PKHD1: variants seen among roughly 807,000 people sequenced by gnomAD.
PKHD1 encodes the protein fibrocystin.
A neutral mutation model predicts 412.0 loss-of-function variants in PKHD1; 291 were observed. That is an observed-to-expected ratio of 0.71 (90% CI 0.64 to 0.78). The LOEUF (loss-of-function observed/expected upper bound fraction) is 0.78, where lower values mean the gene tolerates loss of function less well. Among genes scored for constraint, PKHD1 ranks in the 30% least tolerant of loss-of-function variants. The pLI is 0.00. For synonymous variants in PKHD1, 1,777 were observed against 1,821.5 expected (o/e 0.98, Z 0.62); for missense variants, 4,825 against 4,950.7 (o/e 0.97, Z 0.76).
chr6:51,886,270 A>G (rs1179639274), intron 44 of PKHD1, among the ~76,000 whole-genome samples: 1 of 152,208 alleles, frequency 6.6e-6, no homozygotes, highest in East Asian at 1.9e-4. Context: ...ATCTCTGGCC[A>G]CAAAAGGTAC....
In PKHD1 at chr6:51,726,232, A is replaced by G. The variant is rs149932934; in HGVS notation, c.10156+18153T>C. 1.2e-3 allele frequency among the ~76,000 whole-genome samples: 181 copies of G among 152,350 alleles called. No homozygotes were observed. The Middle Eastern group carries it at 0.014, about 11-fold the overall frequency. On this transcript the variant is annotated intron_variant, in intron 60 of 66. Transcript: ENST00000371117. ...GGACATACAGGAGTTTCTAATGCTT[A>G]AATTCCGGTTCCATTAACTCAGGGG...
chr6:51,980,442 A>G, intron 35 of PKHD1, among the ~76,000 whole-genome samples: 1 of 152,240 alleles, frequency 6.6e-6, no homozygotes, highest in East Asian at 1.9e-4. Flanking sequence ...TAAATATTCT[A>G]CCTACAATGT....
intron 60 of PKHD1, among the ~76,000 whole-genome samples, chr6:51,712,274 A>G (rs1314389158): frequency 6.6e-6 from 1 of 152,184 alleles, no homozygotes; most frequent in East Asian, 1.9e-4. Context: ...CTTCTTGGTA[A>G]GAGCCTTATC....
chr6:51,827,538 C>G (rs1446842117), intron 52 of PKHD1, among the ~76,000 whole-genome samples: 1 of 152,048 alleles, frequency 6.6e-6, no homozygotes. Flanking sequence ...CTGAAGGATC[C>G]CCAATATACC....
intron 54 of PKHD1, among the ~76,000 whole-genome samples, chr6:51,773,991 T>G (rs1481488038): frequency 6.6e-6 from 1 of 151,868 alleles, no homozygotes; most frequent in East Asian, 1.9e-4. Flanking sequence ...TCATAAGACA[T>G]CATCATCTAA....
intron 50 of PKHD1, among the ~76,000 whole-genome samples, chr6:51,842,547 T>C (rs1475650734): frequency 6.6e-6 from 1 of 152,182 alleles, no homozygotes; most frequent in Non-Finnish European, 1.5e-5. Flanking sequence ...AGTCAGATTA[T>C]GAATAATCAA....
chr6:51,996,163 G>A (rs1209070303), intron 35 of PKHD1, among the ~76,000 whole-genome samples: 4 of 134,334 alleles, frequency 3.0e-5, no homozygotes, highest in South Asian at 2.5e-4. Context: ...CTGCCACGAC[G>A]CCTGGCTTTT....
chr6:51,870,581 G>A lies in PKHD1; in HGVS notation c.7409C>T (p.Ser2470Phe). Residue 2470 changes from serine (S) to phenylalanine (F), a missense_variant, in exon 47 of 67, where the codon TCT (serine) becomes TTT (phenylalanine). By Grantham distance (155) the Ser-to-Phe change is radical. Transcript: ENST00000371117. Reference protein sequence around the residue: ...KTPKRWELMVSNTTFVNFDLI... With the variant: ...KTPKRWELMVFNTTFVNFDLI... ...ATCAAAATTAACAAAGGTTGTGTTA[G>A]ACACCATCAGTTCCCATCTTTTAGG... 1 of 1,607,076 alleles carries A rather than the reference G, an allele frequency of 6.2e-7. No homozygotes were observed. Among genetic ancestry groups the A allele is most frequent in the Non-Finnish European group, 8.5e-7 (1 of 1,173,628 alleles).
chr6:51,808,473 T>C (rs1187310119), intron 52 of PKHD1, among the ~76,000 whole-genome samples: 1 of 151,838 alleles, frequency 6.6e-6, no homozygotes, highest in African/African-American at 2.4e-5. Context: ...TAGAGACTAG[T>C]CATAATTTTA....
At chr6:51,931,091 T>C (rs1369252849) in intron 37 of PKHD1, among the ~76,000 whole-genome samples, 1 of 152,208 alleles carries the variant, frequency 6.6e-6, no homozygotes, top group African/African-American at 2.4e-5. Flanking sequence ...TCATAGCTGA[T>C]CTGTGGCAGA....
At chr6:51,890,320 G>C (rs1016189319) in intron 43 of PKHD1, among the ~76,000 whole-genome samples, 1 of 151,980 alleles carries the variant, frequency 6.6e-6, no homozygotes, top group African/African-American at 2.4e-5. Context: ...CCAATAATAG[G>C]GTGCAAGTGA....
At chr6:51,641,890 T>C (rs761337671) in intron 63 of PKHD1, among the ~76,000 whole-genome samples, 8 of 152,026 alleles carry the variant, frequency 5.3e-5, no homozygotes, top group Non-Finnish European at 1.2e-4. Context: ...CACTAGGGCC[T>C]GTCAGGGAGT....
At chr6:51,720,198 T>C (rs1781739007) in intron 60 of PKHD1, among the ~76,000 whole-genome samples, 1 of 152,184 alleles carries the variant, frequency 6.6e-6, no homozygotes, top group Non-Finnish European at 1.5e-5. Flanking sequence ...ATCACCACCA[T>C]GGATCACTGA....
intron 60 of PKHD1, among the ~76,000 whole-genome samples, chr6:51,731,445 G>A (rs1410700119): frequency 6.6e-6 from 1 of 152,144 alleles, no homozygotes; most frequent in Non-Finnish European, 1.5e-5. Flanking sequence ...AAAATTCTCA[G>A]TCTCAGAAAA....
At chr6:51,740,586 A>C (rs1261424870) in intron 60 of PKHD1, among the ~76,000 whole-genome samples, 2 of 152,210 alleles carry the variant, frequency 1.3e-5, no homozygotes, top group African/African-American at 2.4e-5. Context: ...ATGATAATAG[A>C]TTCTTGTCTT....
rs886042676 is a variant in PKHD1 at position 51,830,972 on chromosome 6, CA to C, written c.8190del (p.Glu2731AsnfsTer4). The C allele has an allele frequency of 6.2e-7, 1 of 1,612,064 alleles. No homozygotes were observed. The highest frequency in any genetic ancestry group is 1.1e-5 in the South Asian group (1 of 91,052). ...GGGAGGGACCATTTTAAAGCTGATT[CA>C]GGGGCAGAGGTAGAAGCTAGAAAAT... ...PPTISASTSA[P>X]ESALKWSLPE... On this transcript the variant is annotated frameshift_variant, in exon 52 of 67. Transcript: ENST00000371117. LOFTEE classifies it high-confidence loss of function.
At position 51,937,768 on chromosome 6, in the gene PKHD1, A is replaced by C. The variant is rs1377249957; in HGVS notation, c.5909-3446T>G. Among the ~76,000 whole-genome samples the C allele has an allele frequency of 2.6e-5, 4 of 152,162 alleles. No individual in the cohort carries two copies. In the East Asian group the frequency reaches 7.7e-4, roughly 29 times the overall value. On this transcript the variant is annotated intron_variant, in intron 36 of 66. Transcript: ENST00000371117. Reference sequence around the variant, plus strand: ...ATTTCACCCTCAGAAGATTAAGGTGAGATTTATTGAAATAGTTCTTATAGA... The same window carrying C: ...ATTTCACCCTCAGAAGATTAAGGTGCGATTTATTGAAATAGTTCTTATAGA...
At position 52,024,946 on chromosome 6, in the gene PKHD1, G is replaced by A. The variant is rs775067206; in HGVS notation, c.4864C>T (p.Leu1622Phe). Residue 1622 changes from leucine to phenylalanine, a missense_variant, in exon 32 of 67, where the codon CTC (leucine) becomes TTC (phenylalanine). Physicochemically the swap from Leu to Phe is conservative, Grantham distance 22 (BLOSUM62 0). Transcript: ENST00000371117. ...CCTGTGGGAACAATGCACCGGATGA[G>A]CTCAGCACCGATGTTCACCGTCAGG... ...TCLTVNIGAE[L>F]IRCIVPTGNG... 3 of 1,614,242 alleles carry A rather than the reference G, an allele frequency of 1.9e-6. No homozygotes were observed. The highest frequency in any genetic ancestry group is 2.5e-6 in the Non-Finnish European group (3 of 1,180,050).
intron 35 of PKHD1, among the ~76,000 whole-genome samples, chr6:52,001,161 A>C (rs998572173): frequency 1.3e-5 from 2 of 152,182 alleles, no homozygotes; most frequent in African/African-American, 4.8e-5. Context: ...TAACTGTGTC[A>C]TTGCTGAATA....
Sources: gnomAD v4.1 joint callset for allele counts (sites outside exome capture counted in the v4.1 genomes callset) on GRCh38, gnomAD v4.1.1 for gene constraint, MANE v1.5 for transcripts, NCBI Gene and HGNC (gene_info 2026-07-23, HGNC 2026-07-21) for gene names.